Variants in PSEN1 observed in about 807,000 individuals in gnomAD.
The protein encoded by PSEN1 is presenilin 1, also known as presenilin-1.
PSEN1 carries 15 observed loss-of-function variants against 53.5 expected under a neutral mutation model. The ratio of observed to expected loss-of-function variants is 0.28; its 90% CI spans 0.19 to 0.43. The LOEUF (loss-of-function observed/expected upper bound fraction) is 0.43. PSEN1 is among the 20% of genes least tolerant of loss of function. The pLI is 1.00. For synonymous variants in PSEN1, 208 were observed against 209.8 expected (o/e 0.99, Z 0.08); for missense variants, 387 against 571.2 (o/e 0.68, Z 3.29).
intron 4 of PSEN1, among the ~76,000 whole-genome samples, chr14:73,173,112 A>G (rs536201818): frequency 1.3e-5 from 2 of 152,300 alleles, no homozygotes; most frequent in Admixed American, 6.5e-5. Flanking sequence ...TGGATATGTG[A>G]CATTATCTTA....
rs1900140522 is a variant in PSEN1 at position 73,222,684 on chromosome 14, T to C, written c.*3395T>C. On this transcript the variant is annotated 3_prime_UTR_variant, in exon 12 of 12. Transcript: ENST00000324501. ...AATGTAGTTATAATCTCTTGTTTTC[T>C]GGTATATGCCATCTTTCTTTAACTT... The C allele has an allele frequency of 1.3e-5, 2 of 152,390 alleles. No homozygotes were observed. The highest frequency in any genetic ancestry group is 4.8e-5 in the African/African-American group (2 of 41,594). The allele number at this position is 152,390 out of a possible 1,614,324, so 9.4% of individuals were successfully genotyped here.
intron 3 of PSEN1, among the ~76,000 whole-genome samples, chr14:73,167,558 A>G (rs1033693259): frequency 6.6e-6 from 1 of 152,048 alleles, no homozygotes; most frequent in Non-Finnish European, 1.5e-5. Flanking sequence ...TACTACCACA[A>G]TGGCAACCAG....
At chr14:73,197,204 A>T (rs1319185998) in intron 7 of PSEN1, among the ~76,000 whole-genome samples, 1 of 152,166 alleles carries the variant, frequency 6.6e-6, no homozygotes, top group Non-Finnish European at 1.5e-5. Flanking sequence ...AAGTGCTGGG[A>T]TTGCAGGCGT....
At chr14:73,146,792 G>A (rs181270951) in intron 1 of PSEN1, among the ~76,000 whole-genome samples, 1 of 152,312 alleles carries the variant, frequency 6.6e-6, no homozygotes, top group African/African-American at 2.4e-5. Context: ...TTATGTAAAT[G>A]TGTATATGGT....
rs563211565 is a variant in PSEN1, at chr14:73,161,182, C to T, written c.88-9615C>T. On this transcript the variant is annotated intron_variant, in intron 3 of 11. Coordinates refer to ENST00000324501, the MANE Select transcript of PSEN1 (RefSeq NM_000021.4). ...TAGAGACGGAGTTTCACCATGTTGC[C>T]CAGGCTGGCCTTGAACTCCCAGGCT... is the stretch of plus-strand genomic sequence containing the variant. Among the ~76,000 whole-genome samples the T allele has an allele frequency of 2.6e-5, 4 of 151,950 alleles. No individual in the cohort carries two copies. The East Asian group carries it at 7.8e-4, about 29-fold the overall frequency.
At chr14:73,184,603 C>A (rs7158911) in intron 5 of PSEN1, among the ~76,000 whole-genome samples, 1 of 125,944 alleles carries the variant, frequency 7.9e-6, no homozygotes, top group East Asian at 2.8e-4. Flanking sequence ...CGGGCAGAGG[C>A]GCCCCTCACC....
At position 73,187,014 on chromosome 14, in the gene PSEN1, C is replaced by A. The variant is rs529089245; in HGVS notation, c.548+94C>A. On this transcript the variant is annotated intron_variant, in intron 6 of 11. Transcript: ENST00000324501. ...AGCCATGTACTTTGTTGATGAATTA[C>A]TCTGAAGTTTTAATTGTTTCCACAT... 1.1e-4 allele frequency: 113 copies of A among 1,036,458 alleles called. 2 individuals carry two copies. In the South Asian group the frequency reaches 1.4e-3, roughly 13 times the overall value. The allele number at this position is 1,036,458 out of a possible 1,614,324, so 64.2% of individuals were successfully genotyped here. A position where few individuals can be genotyped will look rare whatever the true frequency, so the allele number is the denominator to read the frequency against.
intron 5 of PSEN1, among the ~76,000 whole-genome samples, chr14:73,179,952 C>T (rs538817677): frequency 7.2e-5 from 11 of 152,022 alleles, no homozygotes; most frequent in Non-Finnish European, 1.6e-4. Flanking sequence ...TATTTTTTGT[C>T]GCATTTGTAC....
At chr14:73,201,127 C>T (rs746560184) in intron 8 of PSEN1, among the ~76,000 whole-genome samples, 13 of 152,076 alleles carry the variant, frequency 8.5e-5, no homozygotes, top group Admixed American at 2.0e-4. Flanking sequence ...CTTGCTGTGT[C>T]GCCCAGGCTG....
intron 7 of PSEN1, among the ~76,000 whole-genome samples, chr14:73,193,293 G>C (rs890772493): frequency 6.6e-6 from 1 of 152,006 alleles, no homozygotes; most frequent in African/African-American, 2.4e-5. Context: ...CTGGGTGATA[G>C]AACAAGACCT....
chr14:73,215,952 A>G (rs142638003), intron 10 of PSEN1, among the ~76,000 whole-genome samples: 271 of 152,320 alleles, frequency 1.8e-3, no homozygotes, highest in Middle Eastern at 6.8e-3. Context: ...CCAGGAGTCT[A>G]CCCAATGGAA....
At chr14:73,192,612 C>T (rs1325090059) in intron 6 of PSEN1, 32 bp from the exon 7 acceptor site, 1 of 1,430,644 alleles carries the variant, frequency 7.0e-7, no homozygotes, top group Admixed American at 1.7e-5. Flanking sequence ...AATTATTGTA[C>T]ATCTTTTAAA....
intron 7 of PSEN1, among the ~76,000 whole-genome samples, chr14:73,195,228 A>G (rs940084179): frequency 6.6e-6 from 1 of 152,100 alleles, no homozygotes; most frequent in East Asian, 1.9e-4. Flanking sequence ...GCTGGAGTGC[A>G]GTGGCGTGAT....
At chr14:73,166,101 C>T (rs1897709701) in intron 3 of PSEN1, among the ~76,000 whole-genome samples, 1 of 152,002 alleles carries the variant, frequency 6.6e-6, no homozygotes, top group African/African-American at 2.4e-5. Flanking sequence ...ATCCAGCGTA[C>T]TACAAAGAGG....
chr14:73,212,868 G>A (rs1899760304), intron 10 of PSEN1, among the ~76,000 whole-genome samples: 1 of 152,176 alleles, frequency 6.6e-6, no homozygotes, highest in Non-Finnish European at 1.5e-5. Context: ...ATTTTTGGTT[G>A]TCTTGTTTTT....
At chr14:73,178,109 G>A (rs189472757) in intron 5 of PSEN1, among the ~76,000 whole-genome samples, 2 of 149,998 alleles carry the variant, frequency 1.3e-5, no homozygotes, top group East Asian at 2.0e-4. Flanking sequence ...TAGTAGAGAC[G>A]GGGTTTTACC....
At chr14:73,175,168 G>T (rs115334263) in intron 5 of PSEN1, among the ~76,000 whole-genome samples, 2 of 151,758 alleles carry the variant, frequency 1.3e-5, no homozygotes, top group African/African-American at 4.8e-5. Context: ...CTCTTGTCCC[G>T]CAGGCTGGAG....
chr14:73,202,221 T>TC (rs397824012), intron 8 of PSEN1, among the ~76,000 whole-genome samples: 2 of 149,484 alleles, frequency 1.3e-5, no homozygotes, highest in Non-Finnish European at 3.0e-5. Context: ...ATTTTTTTTT[T>TC]CCATATTTTT....
intron 3 of PSEN1, among the ~76,000 whole-genome samples, chr14:73,157,273 G>A (rs982193901): frequency 2.0e-5 from 3 of 151,176 alleles, no homozygotes; most frequent in Admixed American, 6.6e-5. Flanking sequence ...TTACAGGCAC[G>A]CACCACCACA....
Sources: allele counts gnomAD v4.1 joint callset (sites outside exome capture counted in the v4.1 genomes callset), GRCh38; gene constraint gnomAD v4.1.1; transcripts MANE v1.5; gene names NCBI Gene and HGNC (gene_info 2026-07-23, HGNC 2026-07-21).